Variants in ROBO2 observed in about 807,000 individuals in gnomAD.
ROBO2 encodes roundabout guidance receptor 2.
Under a neutral mutation model 160.8 loss-of-function variants are expected in ROBO2, and 53 were observed. The ratio of observed to expected loss-of-function variants is 0.33; its 90% CI spans 0.26 to 0.41. The LOEUF is 0.41. ROBO2 is among the 10% of genes least tolerant of loss of function. The probability of loss-of-function intolerance (pLI) is 1.00; values close to 1 mark genes in which losing one functional copy is unlikely to be tolerated. For missense variants in ROBO2, 1,577 were observed against 1,722.4 expected, an observed-to-expected ratio of 0.92 and a Z score of 1.49; for synonymous variants, 664 against 611.7, an observed-to-expected ratio of 1.09 and a Z score of -1.26.
chr3:77,622,830 A>G (rs900713911), intron 23 of ROBO2, among the ~76,000 whole-genome samples: 17 of 152,312 alleles, frequency 1.1e-4, no homozygotes, highest in African/African-American at 3.8e-4. Flanking sequence ...ACTCTGTAAA[A>G]TCATTCACTG....
chr3:76,152,385 C>T (rs2072244842), intron 2 of ROBO2, among the ~76,000 whole-genome samples: 1 of 152,040 alleles, frequency 6.6e-6, no homozygotes, highest in Non-Finnish European at 1.5e-5. Context: ...TTCAGTCAAT[C>T]AAAAGATTGA....
intron 2 of ROBO2, among the ~76,000 whole-genome samples, chr3:77,346,818 C>T (rs2067701420): frequency 6.6e-6 from 1 of 152,278 alleles, no homozygotes; most frequent in African/African-American, 2.4e-5. Flanking sequence ...CGATCAAGTC[C>T]TTTTCAATCT....
chr3:76,214,461 C>T (rs182483303), intron 2 of ROBO2, among the ~76,000 whole-genome samples: 4 of 152,284 alleles, frequency 2.6e-5, no homozygotes, highest in Admixed American at 1.3e-4. Context: ...GTCACTCCCA[C>T]CCTAATACTG....
chr3:76,256,299 G>GTCTCTCTCTCTCTC (rs372215718), intron 2 of ROBO2, among the ~76,000 whole-genome samples: 8 of 92,550 alleles, frequency 8.6e-5, no homozygotes, highest in Admixed American at 2.5e-4. Flanking sequence ...GACAGAGTGA[G>GTCTCTCTCTCTCTC]TCTCTCTCTC....
chr3:77,609,420 A>G (rs1327757893), intron 21 of ROBO2, among the ~76,000 whole-genome samples: 1 of 152,132 alleles, frequency 6.6e-6, no homozygotes, highest in African/African-American at 2.4e-5. Context: ...TTTAAAAGCT[A>G]TAGTCAGAGA....
chr3:76,499,313 A>G (rs994823286), intron 2 of ROBO2, among the ~76,000 whole-genome samples: 3 of 152,194 alleles, frequency 2.0e-5, no homozygotes, highest in Non-Finnish European at 4.4e-5. Flanking sequence ...GATGCTACAT[A>G]TGACTGTCCC....
intron 2 of ROBO2, among the ~76,000 whole-genome samples, chr3:77,265,237 G>T (rs1397499633): frequency 6.6e-6 from 1 of 152,102 alleles, no homozygotes; most frequent in Non-Finnish European, 1.5e-5. Flanking sequence ...GGAGGCACTT[G>T]CCTATAGTTA....
chr3:76,058,095 GT>G (rs56303102), intron 2 of ROBO2, among the ~76,000 whole-genome samples: 99,130 of 150,280 alleles, frequency 0.66, 33,804 homozygotes, highest in African/African-American at 0.86. Flanking sequence ...AGAGCTTTTT[GT>G]TTTTTTTTTC....
At chr3:77,295,270 A>T (rs1419305113) in intron 2 of ROBO2, among the ~76,000 whole-genome samples, 1 of 150,024 alleles carries the variant, frequency 6.7e-6, no homozygotes, top group East Asian at 2.0e-4. Flanking sequence ...TTAAACGGTA[A>T]GCTGAGGCTA....
At chr3:76,758,931 T>A (rs2061142999) in intron 2 of ROBO2, among the ~76,000 whole-genome samples, 1 of 151,866 alleles carries the variant, frequency 6.6e-6, no homozygotes, top group African/African-American at 2.4e-5. Context: ...ATACATGAAA[T>A]TTTGTCCTAA....
chr3:76,627,450 C>T (rs545074169), intron 2 of ROBO2, among the ~76,000 whole-genome samples: 2 of 152,228 alleles, frequency 1.3e-5, no homozygotes, highest in Middle Eastern at 3.4e-3. Context: ...GCATATTGTT[C>T]GCGTATGGAA....
At chr3:77,270,215 A>G (rs1666073244) in intron 2 of ROBO2, among the ~76,000 whole-genome samples, 1 of 152,148 alleles carries the variant, frequency 6.6e-6, no homozygotes, top group African/African-American at 2.4e-5. Flanking sequence ...CCTAAATAAA[A>G]ACTTTCTTGG....
At chr3:76,950,369 A>C (rs952405079) in intron 2 of ROBO2, among the ~76,000 whole-genome samples, 1 of 152,140 alleles carries the variant, frequency 6.6e-6, no homozygotes, top group Non-Finnish European at 1.5e-5. Context: ...TTACTTTGTC[A>C]TTTTGTAAGC....
chr3:77,563,921 A>G (rs182656693), intron 11 of ROBO2, among the ~76,000 whole-genome samples: 61 of 152,278 alleles, frequency 4.0e-4, no homozygotes, highest in African/African-American at 1.4e-3. Context: ...AAAGATTTAA[A>G]TGTAAATTAG....
At chr3:76,550,779 A>G (rs146638131) in intron 2 of ROBO2, among the ~76,000 whole-genome samples, 3 of 152,334 alleles carry the variant, frequency 2.0e-5, no homozygotes, top group African/African-American at 7.2e-5. Context: ...CTGGCTGAGT[A>G]TGTGCACACT....
intron 2 of ROBO2, among the ~76,000 whole-genome samples, chr3:75,956,964 C>A (rs1407901629): frequency 1.3e-5 from 2 of 151,486 alleles, no homozygotes; most frequent in Non-Finnish European, 3.0e-5. Flanking sequence ...CGTTGTAGCC[C>A]TGATGTTATT....
chr3:76,843,411 A>G (rs1381381837), intron 2 of ROBO2, among the ~76,000 whole-genome samples: 1 of 152,154 alleles, frequency 6.6e-6, no homozygotes, highest in East Asian at 1.9e-4. Context: ...TATTAATGAG[A>G]AATTTAAAGA....
chr3:76,733,012 C>A (rs2093659927), intron 2 of ROBO2, among the ~76,000 whole-genome samples: 1 of 150,348 alleles, frequency 6.7e-6, no homozygotes, highest in South Asian at 2.1e-4. Context: ...GGAGGTGTTT[C>A]TCAGGTAACT....
At chr3:77,064,911 T>C (rs72631216) in intron 1 of ROBO2, among the ~76,000 whole-genome samples, 36,976 of 152,060 alleles carry the variant, frequency 0.24, 5,198 homozygotes, top group East Asian at 0.62. Context: ...CACCAAGGAA[T>C]ATGGAGGTCT....
Sources: gnomAD v4.1 joint callset for allele counts (sites outside exome capture counted in the v4.1 genomes callset) on GRCh38, gnomAD v4.1.1 for gene constraint, MANE v1.5 for transcripts, NCBI Gene and HGNC (gene_info 2026-07-23, HGNC 2026-07-21) for gene names.